GMDS: variants seen among roughly 807,000 people sequenced by gnomAD.
GMDS encodes the protein GDP-mannose 4,6-dehydratase.
In GMDS, 20 loss-of-function variants were observed where a neutral mutation model predicts 49.9. That is an observed-to-expected ratio of 0.40 (90% CI 0.28 to 0.58). The LOEUF is 0.58. Among genes scored for constraint, GMDS ranks in the 20% least tolerant of loss-of-function variants. The probability of loss-of-function intolerance (pLI) is 0.42; values close to 1 mark genes in which losing one functional copy is unlikely to be tolerated. For missense variants in GMDS, 362 were observed against 481.4 expected (o/e 0.75, Z 2.32); for synonymous variants, 177 against 178.6 (o/e 0.99, Z 0.07).
chr6:1,643,276 G>A lies in GMDS; in HGVS notation c.988-18736C>T, dbSNP rs115484051. 7.9e-3 allele frequency among the ~76,000 whole-genome samples: 1,196 copies of A among 152,274 alleles called. 7 individuals carry two copies. Among genetic ancestry groups the A allele is most frequent in the Non-Finnish European group, 9.8e-3 (669 of 68,020 alleles). The stretch of plus-strand genomic sequence containing the variant: ...GCAGGGACAGCATCTCACTCAGCTT[G>A]GTGTCCCTGAGACCCAGCCCATTTG... On this transcript the variant is annotated intron_variant, in intron 9 of 10. Coordinates refer to ENST00000380815, the MANE Select transcript of GMDS (RefSeq NM_001500.4).
chr6:2,039,926 A>G (rs1403338551), intron 4 of GMDS, among the ~76,000 whole-genome samples: 1 of 152,232 alleles, frequency 6.6e-6, no homozygotes, highest in Non-Finnish European at 1.5e-5. Context: ...TGTATGCGCT[A>G]GACTTCTATA....
intron 4 of GMDS, among the ~76,000 whole-genome samples, chr6:2,077,114 C>T (rs1339738373): frequency 1.3e-5 from 2 of 152,028 alleles, no homozygotes; most frequent in African/African-American, 4.8e-5. Flanking sequence ...TGTATAGGAA[C>T]ACTACTGATT....
intron 7 of GMDS, among the ~76,000 whole-genome samples, chr6:1,920,011 A>C (rs1349907407): frequency 6.6e-6 from 1 of 152,216 alleles, no homozygotes; most frequent in Non-Finnish European, 1.5e-5. Context: ...TTTCTTCTTT[A>C]CCTGAGAAAA....
At chr6:2,222,351 C>T (rs565740358) in intron 1 of GMDS, among the ~76,000 whole-genome samples, 1 of 152,286 alleles carries the variant, frequency 6.6e-6, no homozygotes, top group East Asian at 1.9e-4. Flanking sequence ...TCCTCCAATT[C>T]CAAATGGCTC....
chr6:1,722,333 C>G (rs577565720), intron 9 of GMDS, among the ~76,000 whole-genome samples: 1 of 151,040 alleles, frequency 6.6e-6, no homozygotes, highest in Non-Finnish European at 1.5e-5. Flanking sequence ...GTGATCTGCC[C>G]GCCTCGGCCT....
At chr6:1,684,006 GTTTT>G (rs1409643490) in intron 9 of GMDS, among the ~76,000 whole-genome samples, 3 of 65,534 alleles carry the variant, frequency 4.6e-5, no homozygotes, top group African/African-American at 9.1e-5. Flanking sequence ...ATGAGGGTGG[GTTTT>G]GCCATCGGGA....
At chr6:1,922,865 C>T (rs78567334) in intron 7 of GMDS, among the ~76,000 whole-genome samples, 3,871 of 152,282 alleles carry the variant, frequency 0.025, 159 homozygotes, top group East Asian at 0.18. Flanking sequence ...AGTTCAGCTG[C>T]GTCCCCTTTC....
At chr6:1,688,281 T>C (rs903370926) in intron 9 of GMDS, among the ~76,000 whole-genome samples, 2 of 152,216 alleles carry the variant, frequency 1.3e-5, no homozygotes, top group African/African-American at 4.8e-5. Flanking sequence ...GTCAAGCATA[T>C]TTTCTCTACC....
At chr6:2,213,571 C>A (rs1183022857) in intron 1 of GMDS, among the ~76,000 whole-genome samples, 1 of 152,120 alleles carries the variant, frequency 6.6e-6, no homozygotes, top group African/African-American at 2.4e-5. Context: ...AGGAGGGGCA[C>A]ATACGGAGTA....
chr6:1,884,807 C>T (rs1406331483), intron 7 of GMDS, among the ~76,000 whole-genome samples: 2 of 152,188 alleles, frequency 1.3e-5, no homozygotes, highest in Admixed American at 1.3e-4. Flanking sequence ...CATTAGGCTA[C>T]GGTGCCCTGA....
chr6:1,678,528 C>T (rs927948845), intron 9 of GMDS, among the ~76,000 whole-genome samples: 2 of 152,136 alleles, frequency 1.3e-5, no homozygotes, highest in African/African-American at 4.8e-5. Context: ...TGACAACTTC[C>T]TTGCTCCTTA....
chr6:2,225,560 T>C (rs576306225), intron 1 of GMDS, among the ~76,000 whole-genome samples: 1 of 152,298 alleles, frequency 6.6e-6, no homozygotes, highest in African/African-American at 2.4e-5. Context: ...TCTATGCAAA[T>C]GACGAATCAT....
chr6:2,203,868 T>G (rs1029484815), intron 1 of GMDS, among the ~76,000 whole-genome samples: 6 of 152,156 alleles, frequency 3.9e-5, no homozygotes, highest in Non-Finnish European at 7.4e-5. Context: ...CGATTTCACA[T>G]GGAAAAAGGC....
intron 9 of GMDS, among the ~76,000 whole-genome samples, chr6:1,641,439 A>T (rs1183841976): frequency 6.6e-6 from 1 of 152,250 alleles, no homozygotes; most frequent in East Asian, 1.9e-4. Flanking sequence ...CTTCCTGTCA[A>T]AGGAGGGAAA....
intron 4 of GMDS, among the ~76,000 whole-genome samples, chr6:1,990,465 T>C (rs1765862799): frequency 6.6e-6 from 1 of 152,212 alleles, no homozygotes; most frequent in Admixed American, 6.5e-5. Context: ...GTCTCCACTT[T>C]CTTTCAGTAA....
At chr6:1,673,761 C>T (rs1764500761) in intron 9 of GMDS, among the ~76,000 whole-genome samples, 1 of 151,928 alleles carries the variant, frequency 6.6e-6, no homozygotes. Flanking sequence ...TTCGCCTTTC[C>T]CAGAATGTCA....
intron 4 of GMDS, among the ~76,000 whole-genome samples, chr6:2,112,689 C>G (rs1333150127): frequency 2.0e-5 from 3 of 152,174 alleles, no homozygotes; most frequent in Admixed American, 6.6e-5. Flanking sequence ...TGCACGCTGG[C>G]CAAGTTCTTC....
intron 1 of GMDS, among the ~76,000 whole-genome samples, chr6:2,204,957 G>C (rs575415840): frequency 1.3e-3 from 200 of 152,262 alleles, no homozygotes; most frequent in African/African-American, 4.5e-3. Flanking sequence ...TGTAACAAAA[G>C]TCAATCTATA....
intron 4 of GMDS, among the ~76,000 whole-genome samples, chr6:1,982,686 T>C (rs529074715): frequency 1.3e-5 from 2 of 152,246 alleles, no homozygotes; most frequent in South Asian, 2.1e-4. Flanking sequence ...AAAGGACCCC[T>C]TCAAGGAGAA....
Sources: gnomAD v4.1 joint callset for allele counts (sites outside exome capture counted in the v4.1 genomes callset) on GRCh38, gnomAD v4.1.1 for gene constraint, MANE v1.5 for transcripts, NCBI Gene and HGNC (gene_info 2026-07-23, HGNC 2026-07-21) for gene names.